The following CDYL2 variants were observed in gnomAD, a reference collection of about 807,000 sequenced individuals.
CDYL2 encodes the protein chromodomain Y-like protein 2.
In CDYL2, 23 loss-of-function variants were observed where a neutral mutation model predicts 49.4. The ratio of observed to expected loss-of-function variants is 0.47; its 90% CI spans 0.34 to 0.66. The LOEUF (loss-of-function observed/expected upper bound fraction) is 0.66. Ranked by LOEUF, CDYL2 falls within the 30% of genes least tolerant of loss-of-function variation. CDYL2 has a pLI of 0.01. For missense variants in CDYL2, 678 were observed against 656.4 expected, an observed-to-expected ratio of 1.03 and a Z score of -0.36; for synonymous variants, 360 against 268.8, an observed-to-expected ratio of 1.34 and a Z score of -3.32.
At chr16:80,656,256 C>T (rs1337308318) in intron 2 of CDYL2, among the ~76,000 whole-genome samples, 2 of 152,236 alleles carry the variant, frequency 1.3e-5, no homozygotes, top group Non-Finnish European at 2.9e-5. Context: ...AAAGGAGGAA[C>T]TAATTGGTGA....
At chr16:80,692,994 G>A (rs1206634347) in intron 1 of CDYL2, among the ~76,000 whole-genome samples, 1 of 152,072 alleles carries the variant, frequency 6.6e-6, no homozygotes, top group South Asian at 2.1e-4. Flanking sequence ...ATAATAAAAA[G>A]GAATGACACA....
intron 1 of CDYL2, among the ~76,000 whole-genome samples, chr16:80,782,412 T>C (rs1317117220): frequency 1.3e-5 from 2 of 149,890 alleles, no homozygotes; most frequent in African/African-American, 2.5e-5. Flanking sequence ...ACCAAACATA[T>C]AAAGAATTAG....
At chr16:80,727,043 G>C (rs970234949) in intron 1 of CDYL2, among the ~76,000 whole-genome samples, 5 of 152,232 alleles carry the variant, frequency 3.3e-5, no homozygotes, top group African/African-American at 1.2e-4. Flanking sequence ...CCATGACTGT[G>C]CCTGGGCAAG....
At chr16:80,665,380 G>A (rs1909217551) in intron 2 of CDYL2, among the ~76,000 whole-genome samples, 1 of 151,886 alleles carries the variant, frequency 6.6e-6, no homozygotes, top group Non-Finnish European at 1.5e-5. Flanking sequence ...GAGTTGGGCT[G>A]TATCCTCAGC....
intron 1 of CDYL2, among the ~76,000 whole-genome samples, chr16:80,782,110 A>G (rs529540765): frequency 1.3e-4 from 20 of 152,154 alleles, no homozygotes; most frequent in Non-Finnish European, 2.5e-4. Flanking sequence ...TATTCTTTGG[A>G]AAGACCAACA....
intron 1 of CDYL2, among the ~76,000 whole-genome samples, chr16:80,793,694 T>C (rs1365732261): frequency 6.6e-6 from 1 of 152,192 alleles, no homozygotes. Flanking sequence ...AGCTCAGCAA[T>C]AGAACCATTT....
intron 1 of CDYL2, among the ~76,000 whole-genome samples, chr16:80,765,057 C>CAAAAA (rs933163217): frequency 2.1e-5 from 1 of 47,810 alleles, no homozygotes; most frequent in Non-Finnish European, 4.4e-5. Flanking sequence ...GATTCCGTCT[C>CAAAAA]AAAAAAAAAA....
At chr16:80,804,871 C>G (rs1908053635), upstream of CDYL2, among the ~76,000 whole-genome samples, 1 of 151,272 alleles carries the variant, frequency 6.6e-6, no homozygotes, top group African/African-American at 2.4e-5. Context: ...GGGGCCCCAG[C>G]CGAGCCCCGC....
At chr16:80,702,880 C>T (rs1284080885) in intron 1 of CDYL2, among the ~76,000 whole-genome samples, 2 of 152,200 alleles carry the variant, frequency 1.3e-5, no homozygotes, top group Non-Finnish European at 2.9e-5. Flanking sequence ...TCCATCCCAG[C>T]TGCATGAGTG....
At chr16:80,753,044 G>A (rs549870830) in intron 1 of CDYL2, among the ~76,000 whole-genome samples, 20 of 152,232 alleles carry the variant, frequency 1.3e-4, no homozygotes, top group African/African-American at 4.6e-4. Flanking sequence ...AATAAATTAA[G>A]AATTAAAATG....
intron 3 of CDYL2, among the ~76,000 whole-genome samples, chr16:80,630,524 G>T (rs2142388688): frequency 6.6e-6 from 1 of 152,162 alleles, no homozygotes; most frequent in East Asian, 1.9e-4. Context: ...AAATAATGAG[G>T]TTTCCAGGTG....
rs74377416 is a variant in CDYL2, at chr16:80,674,176, A to G, written c.616+10362T>C. ...CACTAAGAGTACCTCGATTTCCCAC[A>G]TGGGAGCCTGGGTTCACGAGTGGGC... is the stretch of plus-strand genomic sequence containing the variant. On this transcript the variant is annotated intron_variant, in intron 2 of 6. Transcript: ENST00000570137. Among the ~76,000 whole-genome samples, 647 of 152,302 alleles carry G rather than the reference A, an allele frequency of 4.2e-3. 1 individual carries two copies. The highest frequency in any genetic ancestry group is 0.015 in the African/African-American group (619 of 41,578).
Position 80,620,839 on chromosome 16 carries a change from G to C in CDYL2, c.931C>G (p.Leu311Val). 2.5e-6 allele frequency: 4 copies of C among 1,613,636 alleles called. No individual in the cohort carries two copies. Among genetic ancestry groups the C allele is most frequent in the South Asian group, 2.2e-5 (2 of 91,044 alleles). The change falls in exon 4 of 7, where the codon CTG (leucine) becomes GTG (valine). Residue 311 changes from leucine to valine, a missense_variant. Leu to Val is a conservative substitution (Grantham distance 32, BLOSUM62 1). Around this residue, in one of 3 missense-constraint regions of CDYL2, gnomAD observed 478 missense variants for 427.0 expected, o/e 1.12. Coordinates refer to ENST00000570137, the MANE Select transcript of CDYL2 (RefSeq NM_152342.4). ...CGGCCAATTAGGTAGGAATAATCCAGGCCGCTGCAGAACACGCTCCCCACT... is the reference window on the plus strand; with the variant it reads ...CGGCCAATTAGGTAGGAATAATCCACGCCGCTGCAGAACACGCTCCCCACT... ...SAVGSVFCSGLDYSYLIGRLS... is the reference protein window; with the variant it reads ...SAVGSVFCSGVDYSYLIGRLS...
At chr16:80,638,515 G>C (rs1360881903) in intron 2 of CDYL2, among the ~76,000 whole-genome samples, 4 of 152,162 alleles carry the variant, frequency 2.6e-5, no homozygotes, top group African/African-American at 9.7e-5. Context: ...AAAAGACCTA[G>C]GTAATACTGA....
chr16:80,608,387 G>T, intron 5 of CDYL2, 152 bp from the exon 6 acceptor site: 2 of 822,148 alleles, frequency 2.4e-6, no homozygotes, highest in Non-Finnish European at 3.7e-6. Context: ...ATAAGCTTTG[G>T]GAATTGTATG....
intron 1 of CDYL2, among the ~76,000 whole-genome samples, chr16:80,748,588 TTTGCACAAATGGAAGACA>T (rs1906021042): frequency 6.8e-6 from 1 of 147,996 alleles, no homozygotes. Flanking sequence ...AGAGCCTTGG[TTTGCACAAATGGAAGACA>T]GGGTTAATAA....
intron 2 of CDYL2, among the ~76,000 whole-genome samples, chr16:80,652,913 C>A (rs1274220171): frequency 6.6e-6 from 1 of 152,124 alleles, no homozygotes; most frequent in Non-Finnish European, 1.5e-5. Context: ...AACTGTCAGC[C>A]CAGAGGGGCT....
Position 80,620,799 on chromosome 16 carries a change from C to T in CDYL2, c.971G>A (p.Arg324Gln), listed in dbSNP as rs1273588390. 3.1e-6 allele frequency: 5 copies of T among 1,609,770 alleles called. No individual in the cohort carries two copies. The highest frequency in any genetic ancestry group is 4.2e-6 in the Non-Finnish European group (5 of 1,177,114). Residue 324 changes from arginine to glutamine, a missense_variant, in exon 4 of 7, where the codon CGG becomes CAG. By Grantham distance (43) the Arg-to-Gln change is conservative. This residue lies in a region of CDYL2 where 478 missense variants were observed against 427.0 expected (regional missense o/e 1.12). Transcript: ENST00000570137. ...SYLIGRLSSD[R>Q]RKESTRIAEA... Reference sequence around the variant, plus strand: ...TGCAATCCGAGTGCTCTCCTTTCGCCGGTCGCTGGACAACCGGCCAATTAG... The same window carrying T: ...TGCAATCCGAGTGCTCTCCTTTCGCTGGTCGCTGGACAACCGGCCAATTAG...
At chr16:80,674,427 C>CT (rs34288059) in intron 2 of CDYL2, among the ~76,000 whole-genome samples, 73,308 of 150,708 alleles carry the variant, frequency 0.49, 19,874 homozygotes, top group Middle Eastern at 0.68. Context: ...TTTTCTTCTC[C>CT]TTTTTTTTAA....
Sources: gnomAD v4.1 joint callset for allele counts (sites outside exome capture counted in the v4.1 genomes callset) on GRCh38, gnomAD v4.1.1 for gene constraint, gnomAD v4.1.1 regional missense constraint, MANE v1.5 for transcripts, NCBI Gene and HGNC (gene_info 2026-07-23, HGNC 2026-07-21) for gene names.